Variants in USH2A observed in about 807,000 individuals in gnomAD.
The protein encoded by USH2A is Usher syndrome 2A (autosomal recessive, mild).
In USH2A, 443 loss-of-function variants were observed where a neutral mutation model predicts 538.9. The observed-to-expected ratio is 0.82, with a 90% CI of 0.76 to 0.89. The LOEUF (loss-of-function observed/expected upper bound fraction) is 0.89. Among genes scored for constraint, USH2A ranks in the 40% least tolerant of loss-of-function variants. USH2A has a pLI of 0.00. For synonymous variants in USH2A, 2,413 were observed against 2,273.5 expected (o/e 1.06, Z -1.75); for missense variants, 6,633 against 6,324.8 (o/e 1.05, Z -1.65).
Position 215,941,456 on chromosome 1 carries a change from T to G in USH2A, c.7121-6661A>C, listed in dbSNP as rs190954479. On this transcript the variant is annotated intron_variant, in intron 37 of 71. Transcript: ENST00000307340. ...GTTTTTTTCCACTTTGACTTATTTT[T>G]TTTGCCATTTGGGCAAACTTTTTTC... is the stretch of plus-strand genomic sequence containing the variant. Among the ~76,000 whole-genome samples, 475 of 152,230 alleles carry G rather than the reference T, an allele frequency of 3.1e-3. 2 individuals are homozygous for G. Among genetic ancestry groups the G allele is most frequent in the Non-Finnish European group, 5.0e-3 (337 of 68,006 alleles).
chr1:215,685,779 T>C (rs770035414), intron 61 of USH2A, among the ~76,000 whole-genome samples: 1 of 152,156 alleles, frequency 6.6e-6, no homozygotes, highest in Non-Finnish European at 1.5e-5. Flanking sequence ...CTGCAAAATA[T>C]AAACATTGTC....
chr1:216,040,042 C>T (rs542063389), intron 32 of USH2A, among the ~76,000 whole-genome samples: 92 of 119,284 alleles, frequency 7.7e-4, no homozygotes, highest in African/African-American at 3.3e-3. Flanking sequence ...TTTTCTGTCT[C>T]TCAATTACAC....
At chr1:215,988,888 G>T (rs1208368858) in intron 35 of USH2A, among the ~76,000 whole-genome samples, 1 of 152,164 alleles carries the variant, frequency 6.6e-6, no homozygotes, top group Non-Finnish European at 1.5e-5. Flanking sequence ...ACAAGGAAGA[G>T]AACTGAAATA....
chr1:216,224,475 G>A (rs1251436882), intron 14 of USH2A, among the ~76,000 whole-genome samples: 2 of 152,150 alleles, frequency 1.3e-5, no homozygotes, highest in African/African-American at 4.8e-5. Flanking sequence ...GAGGTAAATG[G>A]AGTAATGTTT....
intron 4 of USH2A, among the ~76,000 whole-genome samples, chr1:216,335,942 T>C (rs2037965281): frequency 6.6e-6 from 1 of 151,502 alleles, no homozygotes; most frequent in Non-Finnish European, 1.5e-5. Context: ...AGTATTACCC[T>C]AATACCAAAA....
chr1:215,757,439 G>A (rs1211044578), intron 58 of USH2A, among the ~76,000 whole-genome samples: 1 of 152,142 alleles, frequency 6.6e-6, no homozygotes, highest in Non-Finnish European at 1.5e-5. Context: ...TGTTAATTAT[G>A]TTATGGAATG....
chr1:215,881,598 A>G (rs1285189326), intron 41 of USH2A, among the ~76,000 whole-genome samples: 2 of 152,270 alleles, frequency 1.3e-5, no homozygotes, highest in East Asian at 3.8e-4. Context: ...TCCATTGTAC[A>G]TAAGAAAGAT....
chr1:216,240,471 G>T (rs930420993), intron 13 of USH2A, among the ~76,000 whole-genome samples: 1 of 151,198 alleles, frequency 6.6e-6, no homozygotes, highest in Non-Finnish European at 1.5e-5. Context: ...TAGGCAAAAG[G>T]GTCCACTGAG....
chr1:216,327,786 T>G, intron 4 of USH2A, 132 bp from the exon 5 acceptor site: 1 of 1,055,216 alleles, frequency 9.5e-7, no homozygotes, highest in South Asian at 1.3e-5. Flanking sequence ...TTTGAAACTT[T>G]TACAGATCAA....
At chr1:216,408,574 A>T (rs1486752132) in intron 3 of USH2A, among the ~76,000 whole-genome samples, 1 of 152,220 alleles carries the variant, frequency 6.6e-6, no homozygotes, top group Non-Finnish European at 1.5e-5. Context: ...TGGACAGAAG[A>T]TACATTCTTA....
intron 4 of USH2A, among the ~76,000 whole-genome samples, chr1:216,363,500 A>G (rs542387416): frequency 1.3e-5 from 2 of 152,138 alleles, no homozygotes; most frequent in South Asian, 4.1e-4. Context: ...GAACTGTGCA[A>G]TCAGGCAACT....
At chr1:215,826,258 A>G (rs1663151031) in intron 47 of USH2A, among the ~76,000 whole-genome samples, 5 of 152,158 alleles carry the variant, frequency 3.3e-5, no homozygotes. Context: ...AGTCTTTGGA[A>G]TGTTCTGCTC....
chr1:215,953,629 A>T (rs1666988595), intron 37 of USH2A, among the ~76,000 whole-genome samples: 1 of 152,008 alleles, frequency 6.6e-6, no homozygotes, highest in Non-Finnish European at 1.5e-5. Flanking sequence ...AACCTAGGCA[A>T]TACCATTCAG....
rs1662220943 is a variant in USH2A at position 215,798,969 on chromosome 1, A to G, written c.9896T>C (p.Ile3299Thr). Reference protein sequence around the residue: ...GHGQKCCGRQIVSNDLECCGG... With the variant: ...GHGQKCCGRQTVSNDLECCGG... ...ACAACACTCTAAATCGTTGCTCACA[A>G]TCTGTCTGCCACAGCACTTCTGGCC... The change falls in exon 50 of 72, where the codon ATT becomes ACT. Residue 3299 changes from isoleucine (I) to threonine (T), a missense_variant. By Grantham distance (89) the Ile-to-Thr change is moderately conservative. Transcript: ENST00000307340. The G allele has an allele frequency of 6.2e-7, 1 of 1,613,958 alleles. No individual in the cohort carries two copies. The highest frequency in any genetic ancestry group is 1.3e-5 in the African/African-American group (1 of 74,926).
Position 216,171,189 on chromosome 1 carries a change from G to A in USH2A, c.4627+4063C>T, listed in dbSNP as rs565341209. Among the ~76,000 whole-genome samples the A allele has an allele frequency of 6.6e-5, 10 of 151,780 alleles. No individual in the cohort carries two copies. In the East Asian group the frequency reaches 1.9e-3, roughly 29 times the overall value. On this transcript the variant is annotated intron_variant, in intron 21 of 71. Transcript: ENST00000307340. ...GAAAACAATTTATTTTAAACTCTAG[G>A]TGTTTTTTTAACTCACAGATGCCAT... is the stretch of plus-strand genomic sequence containing the variant.
At chr1:215,746,395 C>T (rs1192201321) in intron 58 of USH2A, among the ~76,000 whole-genome samples, 1 of 152,074 alleles carries the variant, frequency 6.6e-6, no homozygotes, top group Admixed American at 6.6e-5. Flanking sequence ...AGTAAAGATT[C>T]ATTAAGTGTG....
At chr1:216,027,290 G>T (rs150041918) in intron 32 of USH2A, among the ~76,000 whole-genome samples, 1 of 152,144 alleles carries the variant, frequency 6.6e-6, no homozygotes, top group Non-Finnish European at 1.5e-5. Flanking sequence ...AAAAGACCAC[G>T]TAAGAACATT....
intron 21 of USH2A, among the ~76,000 whole-genome samples, chr1:216,162,072 T>G (rs1372186749): frequency 6.6e-6 from 1 of 152,084 alleles, no homozygotes; most frequent in Non-Finnish European, 1.5e-5. Flanking sequence ...TGTTAAACTA[T>G]GTGTGAACTT....
chr1:215,896,748 A>G (rs994914035), intron 40 of USH2A, among the ~76,000 whole-genome samples: 8 of 152,272 alleles, frequency 5.3e-5, no homozygotes, highest in Non-Finnish European at 1.0e-4. Flanking sequence ...AAGTGCCTTC[A>G]TTTTATTAAT....
Sources: gnomAD v4.1 joint callset for allele counts (sites outside exome capture counted in the v4.1 genomes callset) on GRCh38, gnomAD v4.1.1 for gene constraint, MANE v1.5 for transcripts, NCBI Gene and HGNC (gene_info 2026-07-23, HGNC 2026-07-21) for gene names.